The following MS4A5 variants were observed in gnomAD, a reference collection of about 807,000 sequenced individuals.
The protein encoded by MS4A5 is membrane spanning 4-domains A5, also known as membrane-spanning 4-domains subfamily A member 5.
In MS4A5, 15 loss-of-function variants were observed where a neutral mutation model predicts 18.2. The ratio of observed to expected loss-of-function variants is 0.83; its 90% confidence interval spans 0.55 to 1.27. The LOEUF is 1.27. Ranked by LOEUF, MS4A5 falls within the 50% of genes most tolerant of loss-of-function variation. The pLI is 0.00. For synonymous variants in MS4A5, 89 were observed against 78.7 expected (o/e 1.13, Z -0.69); for missense variants, 232 against 225.7 (o/e 1.03, Z -0.18).
chr11:60,436,162 C>T (rs1175483390), intron 4 of MS4A5, among the ~76,000 whole-genome samples: 1 of 151,804 alleles, frequency 6.6e-6, no homozygotes, highest in Non-Finnish European at 1.5e-5. Flanking sequence ...CCAGCAGGGG[C>T]ACACTGACAC....
At chr11:60,433,699 C>T in intron 3 of MS4A5, 66 bp from the exon 4 acceptor site, 5 of 1,491,244 alleles carry the variant, frequency 3.4e-6, no homozygotes, top group Non-Finnish European at 2.8e-6. Flanking sequence ...ATTCTCCGCA[C>T]TCATTGCTTT....
intron 4 of MS4A5, among the ~76,000 whole-genome samples, chr11:60,444,583 AG>A (rs1336601194): frequency 6.6e-6 from 1 of 152,232 alleles, no homozygotes; most frequent in Non-Finnish European, 1.5e-5. Context: ...AATAATAAAA[AG>A]GCCAAAAAAA....
chr11:60,438,769 G>A (rs2086094847), intron 4 of MS4A5, among the ~76,000 whole-genome samples: 1 of 148,246 alleles, frequency 6.7e-6, no homozygotes, highest in Admixed American at 6.8e-5. Flanking sequence ...AGCTGAAATT[G>A]TGGCAATAAT....
intron 4 of MS4A5, among the ~76,000 whole-genome samples, chr11:60,436,708 G>T (rs1223830394): frequency 7.5e-6 from 1 of 133,898 alleles, no homozygotes; most frequent in Non-Finnish European, 1.7e-5. Context: ...GAAGCGAGAA[G>T]GGAAGTTTAG....
Position 60,429,601 on chromosome 11 carries a change from G to T in MS4A5, c.-74G>T. ...AATTCCAGTGCTCCAGGCAGCCTCA[G>T]CACAAGAAAAGAACATGGTCTAGAC... is the stretch of plus-strand genomic sequence containing the variant. On this transcript the variant is annotated 5_prime_UTR_variant, in exon 1 of 5. Coordinates refer to ENST00000300190, the MANE Select transcript of MS4A5 (RefSeq NM_023945.3). The T allele has an allele frequency of 7.0e-7, 1 of 1,436,304 alleles. No individual in the cohort carries two copies. The highest frequency in any genetic ancestry group is 9.4e-7 in the Non-Finnish European group (1 of 1,065,442). 89.0% of individuals were successfully genotyped at this position (1,436,304 alleles called of 1,614,324 possible). A position where few individuals can be genotyped will look rare whatever the true frequency, so the allele number is the denominator to read the frequency against.
chr11:60,432,443 G>C lies in MS4A5; in HGVS notation c.315G>C (p.Val105=). 1 of 1,593,472 alleles carries C rather than the reference G, an allele frequency of 6.3e-7. No homozygotes were observed. Among genetic ancestry groups the C allele is most frequent in the African/African-American group, 1.3e-5 (1 of 74,426 alleles). Residue 105 remains valine, a synonymous_variant, in exon 3 of 5, where the codon GTG becomes GTC. Transcript: ENST00000300190. ...ATTCTGGAGCCTTCCTAATTGCAGTGAAAAGAAAAACCACAGAAACTCTGG... is the reference window on the plus strand; with the variant it reads ...ATTCTGGAGCCTTCCTAATTGCAGTCAAAAGAAAAACCACAGAAACTCTGG... ...FINSGAFLIA[V]KRKTTETLII...
chr11:60,430,030 C>A (rs562079832), intron 1 of MS4A5, among the ~76,000 whole-genome samples: 2 of 152,266 alleles, frequency 1.3e-5, no homozygotes, highest in Admixed American at 1.3e-4. Flanking sequence ...AAAATGCTAT[C>A]ATTTAGGACT....
chr11:60,442,482 G>C (rs996555204), intron 4 of MS4A5, among the ~76,000 whole-genome samples: 1 of 152,098 alleles, frequency 6.6e-6, no homozygotes, highest in Non-Finnish European at 1.5e-5. Context: ...ACACACCAAG[G>C]CCTGTTGGGG....
chr11:60,430,709 A>G, intron 1 of MS4A5, 87 bp from the exon 2 acceptor site: 2 of 1,505,030 alleles, frequency 1.3e-6, no homozygotes, highest in East Asian at 4.6e-5. Context: ...TAATTGCCAA[A>G]TCCTTTTGAC....
intron 4 of MS4A5, among the ~76,000 whole-genome samples, chr11:60,437,223 G>C (rs570336835): frequency 6.7e-6 from 1 of 149,288 alleles, no homozygotes; most frequent in East Asian, 2.0e-4. Context: ...AGCAAATGCT[G>C]AGAGATTTTG....
chr11:60,438,555 G>T (rs1339947193), intron 4 of MS4A5, among the ~76,000 whole-genome samples: 1 of 151,904 alleles, frequency 6.6e-6, no homozygotes, highest in Non-Finnish European at 1.5e-5. Context: ...AAAGAGAGAA[G>T]AATCAAATAG....
At chr11:60,434,030 TG>T (rs1371368872) in intron 4 of MS4A5, 113 bp downstream of exon 4, 5 of 927,406 alleles carry the variant, frequency 5.4e-6, no homozygotes, top group Non-Finnish European at 8.2e-6. Context: ...TTTCTTTTAC[TG>T]ACAAACATTT....
intron 4 of MS4A5, among the ~76,000 whole-genome samples, chr11:60,442,958 T>C (rs1590835371): frequency 6.6e-6 from 1 of 152,062 alleles, no homozygotes; most frequent in South Asian, 2.1e-4. Flanking sequence ...CTGGCCAACA[T>C]GGTGAAACAC....
intron 2 of MS4A5, 105 bp from the exon 3 acceptor site, chr11:60,432,306 A>T (rs2086053254): frequency 3.1e-6 from 2 of 638,434 alleles, no homozygotes; most frequent in Admixed American, 3.0e-5. Flanking sequence ...GGAGTGTGTG[A>T]ACTTAGAAGG....
At chr11:60,440,576 A>C (rs1479905860) in intron 4 of MS4A5, among the ~76,000 whole-genome samples, 2 of 146,842 alleles carry the variant, frequency 1.4e-5, no homozygotes, top group Admixed American at 7.1e-5. Context: ...AAACAAATTT[A>C]CAAGAAAAAA....
chr11:60,439,962 C>T (rs2086101436), intron 4 of MS4A5, among the ~76,000 whole-genome samples: 2 of 144,820 alleles, frequency 1.4e-5, no homozygotes, highest in African/African-American at 5.0e-5. Context: ...GAGCCCACAT[C>T]GCCAAGTCAA....
chr11:60,447,179 G>C (rs560076078), intron 4 of MS4A5, among the ~76,000 whole-genome samples: 7 of 150,342 alleles, frequency 4.7e-5, no homozygotes, highest in Non-Finnish European at 1.0e-4. Flanking sequence ...GTTATGCTAT[G>C]CTATGCTATC....
intron 3 of MS4A5, among the ~76,000 whole-genome samples, chr11:60,432,733 C>T (rs3763847): frequency 0.055 from 7,889 of 144,344 alleles, 273 homozygotes; most frequent in South Asian, 0.16. Flanking sequence ...TGCAAGGAGC[C>T]GAGATCGTGC....
At chr11:60,442,159 A>G (rs2086116541) in intron 4 of MS4A5, among the ~76,000 whole-genome samples, 1 of 152,206 alleles carries the variant, frequency 6.6e-6, no homozygotes, top group Non-Finnish European at 1.5e-5. Flanking sequence ...AAATAACTAC[A>G]ATTATAATAC....
Sources: gnomAD v4.1 joint callset for allele counts (sites outside exome capture counted in the v4.1 genomes callset) on GRCh38, gnomAD v4.1.1 for gene constraint, MANE v1.5 for transcripts, NCBI Gene and HGNC (gene_info 2026-07-23, HGNC 2026-07-21) for gene names.